SPEG: variants seen among roughly 807,000 people sequenced by gnomAD.
SPEG encodes the protein striated muscle preferentially expressed protein kinase.
Under a neutral mutation model 300.4 loss-of-function variants are expected in SPEG, and 114 were observed. The ratio of observed to expected loss-of-function variants is 0.38; its 90% CI spans 0.33 to 0.44. SPEG has a LOEUF of 0.44. Among genes scored for constraint, SPEG ranks in the 20% least tolerant of loss-of-function variants. The probability of loss-of-function intolerance (pLI) is 1.00; values close to 1 mark genes in which losing one functional copy is unlikely to be tolerated. For synonymous variants in SPEG, 1,964 were observed against 2,018.9 expected, an observed-to-expected ratio of 0.97 and a Z score of 0.73; for missense variants, 4,201 against 4,586.2, an observed-to-expected ratio of 0.92 and a Z score of 2.43.
Position 219,477,023 on chromosome 2 carries a change from G to A in SPEG, c.4560+41G>A. The A allele has an allele frequency of 6.7e-7, 1 of 1,503,584 alleles. No individual in the cohort carries two copies. The highest frequency in any genetic ancestry group is 9.1e-7 in the Non-Finnish European group (1 of 1,096,672). The allele number at this position is 1,503,584 out of a possible 1,614,324, so 93.1% of individuals were successfully genotyped here. On this transcript the variant is annotated intron_variant, in intron 19 of 40. Coordinates refer to ENST00000312358, the MANE Select transcript of SPEG (RefSeq NM_005876.5). This position sits in a 1 kb window ranked among gnomAD's most constrained non-coding sequence, Gnocchi z 6.4. ...TGGCTGAGCCTGGGGGAGGGAGGAG[G>A]GGCTCCCTGGGGGCGTGGGAGGGTC...
chr2:219,489,079 C>T lies in SPEG; in HGVS notation c.8175C>T (p.Ser2725=), dbSNP rs1409603333. 1.9e-6 allele frequency: 3 copies of T among 1,613,806 alleles called. No homozygotes were observed. The highest frequency in any genetic ancestry group is 2.5e-6 in the Non-Finnish European group (3 of 1,179,968). The change falls in exon 35 of 41, where the codon AGC becomes AGT. Residue 2725 remains serine, a synonymous_variant. Coordinates refer to ENST00000312358, the MANE Select transcript of SPEG (RefSeq NM_005876.5). ...GGGAGTCTGTGTGGCACCCTGTGAG[C>T]TCAGGCATCCCCGACTGTTACTACA... The part of the protein sequence containing the change: ...VDGESVWHPV[S]SGIPDCYYNV...
In SPEG at chr2:219,488,234, G is replaced by T; in HGVS notation, c.7782G>T (p.Val2594=). The part of the protein sequence containing the change: ...PVFHIKLKDQ[V]LLEGEAATLL... ...TCCACATCAAACTCAAGGACCAGGTGCTGCTGGAGGGGGAGGCAGCCACCC... is the reference window on the plus strand; with the variant it reads ...TCCACATCAAACTCAAGGACCAGGTTCTGCTGGAGGGGGAGGCAGCCACCC... The change falls in exon 32 of 41, where the codon GTG becomes GTT. Residue 2594 remains valine, a synonymous_variant. Transcript: ENST00000312358. 6.2e-7 allele frequency: 1 copy of T among 1,613,700 alleles called. No homozygotes were observed. The highest frequency in any genetic ancestry group is 8.5e-7 in the Non-Finnish European group (1 of 1,179,870).
rs989465855 is a variant in SPEG, at chr2:219,490,476, G to A, written c.8989G>A (p.Val2997Met). The A allele has an allele frequency of 9.3e-6, 15 of 1,613,296 alleles. No individual in the cohort carries two copies. Among genetic ancestry groups the A allele is most frequent in the East Asian group, 2.2e-5 (1 of 44,904 alleles). Residue 2997 changes from valine (V) to methionine (M), a missense_variant, in exon 37 of 41, where the codon GTG (valine) becomes ATG (methionine). By Grantham distance (21) the Val-to-Met change is conservative. This residue lies in a region of SPEG where 318 missense variants were observed against 429.5 expected (regional missense o/e 0.74). Coordinates refer to ENST00000312358, the MANE Select transcript of SPEG (RefSeq NM_005876.5). The stretch of plus-strand genomic sequence containing the variant: ...GGGGCGAACGTTCGTGGCCAAGATC[G>A]TGCCCTATGCTGCCGAGGGCAAGCG... ...ATGRTFVAKI[V>M]PYAAEGKRRV...
Position 219,483,552 on chromosome 2 carries a change from G to C in SPEG, c.6089G>C (p.Arg2030Pro). 1.4e-6 allele frequency: 2 copies of C among 1,421,428 alleles called. No homozygotes were observed. Among genetic ancestry groups the C allele is most frequent in the Non-Finnish European group, 1.8e-6 (2 of 1,100,958 alleles). The allele number at this position is 1,421,428 out of a possible 1,614,324, so 88.1% of individuals were successfully genotyped here. Reference sequence around the variant, plus strand: ...CGGGCCGGGCCGCGGGAGCTGGGCCGGGGCCTGCACAAGGCGGCGTCTGTG... The same window carrying C: ...CGGGCCGGGCCGCGGGAGCTGGGCCCGGGCCTGCACAAGGCGGCGTCTGTG... ...LPRAGPRELGRGLHKAASVEL... is the reference protein window; with the variant it reads ...LPRAGPRELGPGLHKAASVEL... Residue 2030 changes from arginine (R) to proline (P), a missense_variant, in exon 30 of 41, where the codon CGG (arginine) becomes CCG (proline). Coordinates refer to ENST00000312358, the MANE Select transcript of SPEG (RefSeq NM_005876.5).
At chr2:219,492,463 C>A in intron 40 of SPEG, 131 bp from the exon 41 acceptor site, 2 of 1,146,288 alleles carry the variant, frequency 1.7e-6, no homozygotes, top group Non-Finnish European at 2.5e-6. Flanking sequence ...GGGAACTGAG[C>A]TCTTGAGCTG....
chr2:219,443,190 ACTC>A lies in SPEG; in HGVS notation c.389-1456_389-1454del. The A allele has an allele frequency of 1.9e-6, 3 of 1,599,980 alleles. No individual in the cohort carries two copies. The highest frequency in any genetic ancestry group is 2.6e-6 in the Non-Finnish European group (3 of 1,168,962). On this transcript the variant is annotated intron_variant, in intron 1 of 40. Transcript: ENST00000312358. The surrounding 1 kb of genome is among the most constrained non-coding windows in gnomAD (Gnocchi z 4.6). ...GGCGTCCTTGCTCTAGCCCATGCCT[ACTC>A]CTCCTCTTGGTCCCTGTCCCTCTGT...
At position 219,458,453 on chromosome 2, in the gene SPEG, C is replaced by G. The variant is rs1690371588; in HGVS notation, c.2441-3429C>G. ...CTCTTAAGAAATGCAGATTATTGGC[C>G]CCAGCCCCGACCTACTGAATCGGAA... On this transcript the variant is annotated intron_variant, in intron 6 of 40. Transcript: ENST00000312358. This position sits in a 1 kb window ranked among gnomAD's most constrained non-coding sequence, Gnocchi z 4.2. Among the ~76,000 whole-genome samples, 1 of 152,058 alleles carries G rather than the reference C, an allele frequency of 6.6e-6. No homozygotes were observed. Among genetic ancestry groups the G allele is most frequent in the African/African-American group, 2.4e-5 (1 of 41,396 alleles).
rs1694031983 is a variant in SPEG, at chr2:219,492,126, C to T, written c.9477C>T (p.Ser3159=). Reference sequence around the variant, plus strand: ...TCCCCAACAGGCTCAGTGGACGCTCCCCGTTCTATGAGCCAGACCCCCAGG... The same window carrying T: ...TCCCCAACAGGCTCAGTGGACGCTCTCCGTTCTATGAGCCAGACCCCCAGG... ...VLTYIMLSGR[S]PFYEPDPQET... is the part of the protein sequence containing the mutation. The change falls in exon 40 of 41, where the codon TCC becomes TCT. Residue 3159 remains serine, a synonymous_variant. Coordinates refer to ENST00000312358, the MANE Select transcript of SPEG (RefSeq NM_005876.5). 3.7e-6 allele frequency: 6 copies of T among 1,612,900 alleles called. 1 individual carries two copies. The South Asian group carries it at 6.6e-5, about 18-fold the overall frequency.
chr2:219,448,917 C>A lies in SPEG; in HGVS notation c.1759C>A (p.Gln587Lys). The part of the protein sequence containing the change: ...AGRTEPGEGP[Q>K]QEVRRRDQFP... Reference sequence around the variant, plus strand: ...CAGGACAGAGCCGGGGGAAGGCCCGCAGCAGGAGGTTAGGCGTCGGGACCA... The same window carrying A: ...CAGGACAGAGCCGGGGGAAGGCCCGAAGCAGGAGGTTAGGCGTCGGGACCA... Residue 587 changes from glutamine to lysine, a missense_variant, in exon 4 of 41, where the codon CAG becomes AAG. Physicochemically the swap from Gln to Lys is moderately conservative, Grantham distance 53. This residue lies in a region of SPEG where 1,258 missense variants were observed against 1,293.9 expected (regional missense o/e 0.97). Transcript: ENST00000312358. 1.4e-6 allele frequency: 2 copies of A among 1,474,458 alleles called. No homozygotes were observed. The highest frequency in any genetic ancestry group is 8.9e-7 in the Non-Finnish European group (1 of 1,118,118). 91.3% of individuals were successfully genotyped at this position (1,474,458 alleles called of 1,614,324 possible).
intron 1 of SPEG, among the ~76,000 whole-genome samples, chr2:219,440,850 A>C (rs1282471701): frequency 6.6e-6 from 1 of 152,192 alleles, no homozygotes; most frequent in Non-Finnish European, 1.5e-5. Flanking sequence ...GTACATACCA[A>C]ACACGCAATA....
rs1692113047 is a variant in SPEG at position 219,473,888 on chromosome 2, A to T, written c.4432A>T (p.Thr1478Ser). ...TCACGGCACACAGACCTGCTCGGTC[A>T]CATTGGAGCTGGCAGGTGGGTGACA... ...NRHGTQTCSV[T>S]LELAEAPRFE... The change falls in exon 18 of 41, where the codon ACA becomes TCA. Residue 1478 changes from threonine to serine, a missense_variant. Thr to Ser is a moderately conservative substitution (Grantham distance 58, BLOSUM62 1). Around this residue, in one of 4 missense-constraint regions of SPEG, gnomAD observed 1,047 missense variants for 1,356.8 expected, o/e 0.77. Coordinates refer to ENST00000312358, the MANE Select transcript of SPEG (RefSeq NM_005876.5). The surrounding 1 kb of genome is among the most constrained non-coding windows in gnomAD (Gnocchi z 4.6). 6.2e-7 allele frequency: 1 copy of T among 1,608,732 alleles called. No individual in the cohort carries two copies. Among genetic ancestry groups the T allele is most frequent in the East Asian group, 2.2e-5 (1 of 44,752 alleles).
rs1692604929 is a variant in SPEG at position 219,479,156 on chromosome 2, G to A, written c.5040G>A (p.Glu1680=). Reference sequence around the variant, plus strand: ...ATCTGGGATGTAGCTGCACAGAGGAGCTGCTGGAGCGAATCGCCAGGAAAC... The same window carrying A: ...ATCTGGGATGTAGCTGCACAGAGGAACTGCTGGAGCGAATCGCCAGGAAAC... ...LVIVTELCTE[E]LLERIARKPT... The change falls in exon 23 of 41, where the codon GAG becomes GAA. Residue 1680 remains glutamate (E), a synonymous_variant. Coordinates refer to ENST00000312358, the MANE Select transcript of SPEG (RefSeq NM_005876.5). This position sits in a 1 kb window ranked among gnomAD's most constrained non-coding sequence, Gnocchi z 5.5. 4 of 1,613,502 alleles carry A rather than the reference G, an allele frequency of 2.5e-6. No homozygotes were observed. Among genetic ancestry groups the A allele is most frequent in the Non-Finnish European group, 3.4e-6 (4 of 1,179,988 alleles).
intron 13 of SPEG, among the ~76,000 whole-genome samples, chr2:219,471,046 G>A (rs576651945): frequency 1.3e-5 from 2 of 152,256 alleles, no homozygotes; most frequent in South Asian, 4.1e-4. Flanking sequence ...AGCTATGACT[G>A]ATGCAAGAGG....
At chr2:219,460,239 C>A in intron 6 of SPEG, 3 of 914,402 alleles carry the variant, frequency 3.3e-6, no homozygotes, top group Non-Finnish European at 3.9e-6. Flanking sequence ...GATTCTGGGC[C>A]CCCTCAGATT....
intron 1 of SPEG, among the ~76,000 whole-genome samples, chr2:219,441,803 G>A (rs1422860085): frequency 6.6e-6 from 1 of 151,576 alleles, no homozygotes. Flanking sequence ...AGGGGGACAG[G>A]ACAAGGAAGG....
chr2:219,443,798 T>C lies in SPEG; in HGVS notation c.389-855T>C. ...TGTGGCCAGTGGCAGCACCAGTAAGTGCCAAGGATACCAGAACCACTGGGG... is the reference window on the plus strand; with the variant it reads ...TGTGGCCAGTGGCAGCACCAGTAAGCGCCAAGGATACCAGAACCACTGGGG... On this transcript the variant is annotated intron_variant, in intron 1 of 40. Coordinates refer to ENST00000312358, the MANE Select transcript of SPEG (RefSeq NM_005876.5). This position sits in a 1 kb window ranked among gnomAD's most constrained non-coding sequence, Gnocchi z 4.6. 1 of 370,664 alleles carries C rather than the reference T, an allele frequency of 2.7e-6. No individual in the cohort carries two copies. Among genetic ancestry groups the C allele is most frequent in the Non-Finnish European group, 5.4e-6 (1 of 185,258 alleles). The allele number at this position is 370,664 out of a possible 1,614,324, so 23.0% of individuals were successfully genotyped here. A position where few individuals can be genotyped will look rare whatever the true frequency, so the allele number is the denominator to read the frequency against.
intron 6 of SPEG, chr2:219,461,443 C>T: frequency 9.7e-7 from 1 of 1,031,154 alleles, no homozygotes; most frequent in Non-Finnish European, 1.2e-6. Flanking sequence ...GCCCAGCTCA[C>T]CCAAGAAATG....
At position 219,464,568 on chromosome 2, in the gene SPEG, G is replaced by A. The variant is rs1275091539; in HGVS notation, c.2841G>A (p.Glu947=). 3.7e-6 allele frequency: 6 copies of A among 1,614,158 alleles called. No homozygotes were observed. Among genetic ancestry groups the A allele is most frequent in the Non-Finnish European group, 5.1e-6 (6 of 1,180,052 alleles). The part of the protein sequence containing the change: ...AGFYTCKAVN[E]YGARQCEARL... The stretch of plus-strand genomic sequence containing the variant: ...TCTACACTTGCAAAGCGGTCAATGA[G>A]TATGGTGCTCGGCAGTGCGAGGCCC... Residue 947 remains glutamate (E), a synonymous_variant, in exon 9 of 41, where the codon GAG becomes GAA. Transcript: ENST00000312358. This position sits in a 1 kb window ranked among gnomAD's most constrained non-coding sequence, Gnocchi z 4.5.
chr2:219,449,300 G>C, intron 4 of SPEG, 29 bp downstream of exon 4: 1 of 1,354,486 alleles, frequency 7.4e-7, no homozygotes, highest in Non-Finnish European at 9.5e-7. Context: ...CTGACAAGGT[G>C]CCTGAACCCC....
Sources: gnomAD v4.1 joint callset for allele counts (sites outside exome capture counted in the v4.1 genomes callset) on GRCh38, gnomAD v4.1.1 for gene constraint, gnomAD v4.1.1 regional missense constraint, Gnocchi (gnomAD v3.1) non-coding constraint, MANE v1.5 for transcripts, NCBI Gene and HGNC (gene_info 2026-07-23, HGNC 2026-07-21) for gene names.